The following CC2D2B variants were observed in gnomAD, a reference collection of about 807,000 sequenced individuals.
The protein encoded by CC2D2B is protein CC2D2B.
In CC2D2B, 128 loss-of-function variants were observed where a neutral mutation model predicts 161.2. The observed-to-expected ratio is 0.79, with a 90% CI of 0.69 to 0.92. The LOEUF (loss-of-function observed/expected upper bound fraction) is 0.92. Among genes scored for constraint, CC2D2B ranks in the 40% least tolerant of loss-of-function variants. The pLI, the probability that CC2D2B is intolerant of heterozygous loss-of-function variation, is 0.00. For synonymous variants in CC2D2B, 391 were observed against 449.8 expected, an observed-to-expected ratio of 0.87 and a Z score of 1.65; for missense variants, 1,173 against 1,375.1, an observed-to-expected ratio of 0.85 and a Z score of 2.32.
In CC2D2B at chr10:96,027,356, T is replaced by G; in HGVS notation, c.4092T>G (p.Asp1364Glu). Residue 1364 changes from aspartate to glutamate, a missense_variant, in exon 34 of 35, where the codon GAT (aspartate) becomes GAG (glutamate). Around this residue, in one of 3 missense-constraint regions of CC2D2B, gnomAD observed 598 missense variants for 693.2 expected, o/e 0.86. Transcript: ENST00000646931. Reference protein sequence around the residue: ...GIGSFVSSEGDNEFERILQFY... With the variant: ...GIGSFVSSEGENEFERILQFY... ...GAAGCTTTGTTTCATCTGAAGGAGA[T>G]AATGAATTTGAAAGAATACTACAAT... 1 of 1,548,852 alleles carries G rather than the reference T, an allele frequency of 6.5e-7. No individual in the cohort carries two copies. The highest frequency in any genetic ancestry group is 8.7e-7 in the Non-Finnish European group (1 of 1,146,032).
chr10:95,912,403 T>C (rs753401304), intron 2 of CC2D2B, among the ~76,000 whole-genome samples: 2 of 152,134 alleles, frequency 1.3e-5, no homozygotes, highest in Admixed American at 6.6e-5. Flanking sequence ...CAGCTAGAAA[T>C]ATGATTTTGA....
At chr10:96,000,483 C>A (rs2078437363) in intron 24 of CC2D2B, among the ~76,000 whole-genome samples, 1 of 152,098 alleles carries the variant, frequency 6.6e-6, no homozygotes, top group Admixed American at 6.5e-5. Context: ...CCTGCCTCAG[C>A]CTCCCGAGTA....
At chr10:95,939,755 T>C (rs1314316406) in intron 9 of CC2D2B, among the ~76,000 whole-genome samples, 1 of 152,208 alleles carries the variant, frequency 6.6e-6, no homozygotes, top group East Asian at 1.9e-4. Context: ...GAACACCTTT[T>C]CATGTCTGTT....
chr10:95,915,298 A>ATT (rs35289873), intron 2 of CC2D2B, among the ~76,000 whole-genome samples: 1 of 151,746 alleles, frequency 6.6e-6, no homozygotes, highest in Non-Finnish European at 1.5e-5. Context: ...ATCATTTCTA[A>ATT]TTTTTTTTTG....
At chr10:95,970,355 C>A (rs552965967) in intron 15 of CC2D2B, among the ~76,000 whole-genome samples, 140 of 152,202 alleles carry the variant, frequency 9.2e-4, no homozygotes, top group African/African-American at 3.2e-3. Flanking sequence ...TCTTACTACT[C>A]CTCCTTATTC....
At chr10:96,005,754 C>T (rs2078720234) in intron 25 of CC2D2B, among the ~76,000 whole-genome samples, 1 of 152,144 alleles carries the variant, frequency 6.6e-6, no homozygotes, top group Non-Finnish European at 1.5e-5. Context: ...GCCTTTGGAA[C>T]TGGCAGAGCA....
intron 9 of CC2D2B, among the ~76,000 whole-genome samples, chr10:95,945,308 C>T (rs1193452746): frequency 2.6e-5 from 4 of 152,156 alleles, no homozygotes; most frequent in South Asian, 2.1e-4. Flanking sequence ...TCACATTTTT[C>T]GTGTTGCCCA....
intron 3 of CC2D2B, among the ~76,000 whole-genome samples, chr10:95,922,902 C>T (rs762131146): frequency 1.3e-4 from 20 of 151,728 alleles, no homozygotes; most frequent in Non-Finnish European, 1.9e-4. Context: ...TGGGCTCAAG[C>T]GGTGGTCCCA....
At chr10:95,960,630 A>T (rs777647542) in intron 11 of CC2D2B, among the ~76,000 whole-genome samples, 2 of 152,070 alleles carry the variant, frequency 1.3e-5, no homozygotes, top group Non-Finnish European at 2.9e-5. Flanking sequence ...CTCCCACCTC[A>T]GTCTCCTGAG....
chr10:95,989,277 AAAACGGAC>A (rs923163044), intron 20 of CC2D2B, among the ~76,000 whole-genome samples: 7 of 152,324 alleles, frequency 4.6e-5, no homozygotes, highest in Non-Finnish European at 1.0e-4. Context: ...ATTTTTTACA[AAAACGGAC>A]AATATTAATG....
At chr10:95,937,503 A>G (rs1461248252) in intron 6 of CC2D2B, among the ~76,000 whole-genome samples, 1 of 151,554 alleles carries the variant, frequency 6.6e-6, no homozygotes, top group East Asian at 1.9e-4. Context: ...CTAGACTTCT[A>G]TGCTGAATCT....
At chr10:95,920,760 T>TC (rs2098525460) in intron 2 of CC2D2B, 1 of 152,280 alleles carries the variant, frequency 6.6e-6, no homozygotes, top group South Asian at 2.1e-4. Flanking sequence ...TAGCAGATGG[T>TC]GAATTCTGCC....
chr10:95,980,468 T>G (rs1400827263), intron 17 of CC2D2B, among the ~76,000 whole-genome samples: 7 of 152,196 alleles, frequency 4.6e-5, no homozygotes, highest in Admixed American at 3.9e-4. Context: ...AAGTTTCTAA[T>G]CTATTCGTTA....
chr10:95,922,947 G>A (rs2098530476), intron 3 of CC2D2B, among the ~76,000 whole-genome samples: 1 of 135,476 alleles, frequency 7.4e-6, no homozygotes, highest in African/African-American at 2.8e-5. Context: ...CTATAGGCAT[G>A]TATGTTATTT....
At chr10:95,968,529 T>A (rs2077018789) in intron 14 of CC2D2B, among the ~76,000 whole-genome samples, 195 bp from the exon 15 acceptor site, 1 of 152,170 alleles carries the variant, frequency 6.6e-6, no homozygotes, top group South Asian at 2.1e-4. Context: ...TTTGAGTACA[T>A]CTCTTTCATT....
intron 6 of CC2D2B, among the ~76,000 whole-genome samples, chr10:95,936,774 A>G (rs1341450834): frequency 6.6e-6 from 1 of 152,202 alleles, no homozygotes; most frequent in East Asian, 1.9e-4. Flanking sequence ...CCACAGAGTC[A>G]TAACTCAGAG....
intron 17 of CC2D2B, among the ~76,000 whole-genome samples, chr10:95,976,897 C>T (rs1440693875): frequency 3.9e-5 from 6 of 152,142 alleles, no homozygotes; most frequent in African/African-American, 7.2e-5. Flanking sequence ...TACAGGCATG[C>T]GCTACCAAGC....
In CC2D2B at chr10:95,985,237, A is replaced by G. The variant is rs989722389; in HGVS notation, c.2286+1428A>G. ...ATATAGAAATGCAATTCCCAACCAA[A>G]GAAATAGAATAGACTTATTATGCAT... On this transcript the variant is annotated intron_variant, in intron 19 of 34. Transcript: ENST00000646931. Among the ~76,000 whole-genome samples the G allele has an allele frequency of 4.6e-5, 7 of 152,236 alleles. No individual in the cohort carries two copies. The East Asian group carries it at 1.2e-3, about 25-fold the overall frequency.
At chr10:96,005,460 T>C (rs1193220921) in intron 25 of CC2D2B, among the ~76,000 whole-genome samples, 1 of 152,176 alleles carries the variant, frequency 6.6e-6, no homozygotes, top group Non-Finnish European at 1.5e-5. Context: ...AAACATTCCA[T>C]TGTCTTCTAA....
Sources: gnomAD v4.1 joint callset for allele counts (sites outside exome capture counted in the v4.1 genomes callset) on GRCh38, gnomAD v4.1.1 for gene constraint, gnomAD v4.1.1 regional missense constraint, MANE v1.5 for transcripts, NCBI Gene and HGNC (gene_info 2026-07-23, HGNC 2026-07-21) for gene names.